The following FKBP5 variants were observed in gnomAD, a reference collection of about 807,000 sequenced individuals.
The protein encoded by FKBP5 is FKBP prolyl isomerase 5.
FKBP5 carries 23 observed loss-of-function variants against 50.5 expected under a neutral mutation model. The ratio of observed to expected loss-of-function variants is 0.46; its 90% CI spans 0.33 to 0.65. The LOEUF (loss-of-function observed/expected upper bound fraction) is 0.65, where lower values mean the gene tolerates loss of function less well. Ranked by LOEUF, FKBP5 falls within the 30% of genes least tolerant of loss-of-function variation. The pLI is 0.02. For synonymous variants in FKBP5, 176 were observed against 190.6 expected, an observed-to-expected ratio of 0.92 and a Z score of 0.63; for missense variants, 411 against 553.1, an observed-to-expected ratio of 0.74 and a Z score of 2.58.
intron 5 of FKBP5, 23 bp downstream of exon 5, chr6:35,619,073 T>A (rs756484898): frequency 6.6e-7 from 1 of 1,512,722 alleles, no homozygotes; most frequent in Non-Finnish European, 9.2e-7. Context: ...TAAGGACTAG[T>A]TCCCTCTTAC....
At chr6:35,581,632 G>A (rs988071122) in intron 8 of FKBP5, 5 of 985,220 alleles carry the variant, frequency 5.1e-6, no homozygotes, top group Non-Finnish European at 6.0e-6. Flanking sequence ...CCCCTCCAGG[G>A]CTGAGACAAT....
intron 2 of FKBP5, among the ~76,000 whole-genome samples, chr6:35,712,485 C>A (rs913805062): frequency 6.6e-6 from 1 of 151,964 alleles, no homozygotes; most frequent in African/African-American, 2.4e-5. Context: ...AGCATTGAGA[C>A]CCTTATGGTT....
Position 35,575,858 on chromosome 6 carries a change from C to T in FKBP5, c.1351G>A (p.Glu451Lys). The T allele has an allele frequency of 6.2e-7, 1 of 1,613,924 alleles. No homozygotes were observed. The highest frequency in any genetic ancestry group is 8.5e-7 in the Non-Finnish European group (1 of 1,179,796). ...CGTCATACGTGGCCCTCAGGTTTCTCTTCTTCCATTGCTTGACTGTCTGTT... is the reference window on the plus strand; with the variant it reads ...CGTCATACGTGGCCCTCAGGTTTCTTTTCTTCCATTGCTTGACTGTCTGTT... ...KGTDSQAMEE[E>K]KPEGHV Residue 451 changes from glutamate (E) to lysine (K), a missense_variant, in exon 11 of 11, where the codon GAG (glutamate) becomes AAG (lysine). Transcript: ENST00000357266.
At chr6:35,588,788 TAG>T (rs967508641) in intron 7 of FKBP5, among the ~76,000 whole-genome samples, 1 of 147,748 alleles carries the variant, frequency 6.8e-6, no homozygotes, top group Non-Finnish European at 1.5e-5. Context: ...TTTTTTTTGG[TAG>T]AGACGGGGTC....
At chr6:35,645,298 G>A (rs1764599968) in intron 1 of FKBP5, among the ~76,000 whole-genome samples, 2 of 152,288 alleles carry the variant, frequency 1.3e-5, no homozygotes, top group South Asian at 2.1e-4. Context: ...AAAAGGTGGC[G>A]TGCACCTGTA....
intron 5 of FKBP5, among the ~76,000 whole-genome samples, chr6:35,598,474 C>T (rs1763050790): frequency 6.6e-6 from 1 of 152,080 alleles, no homozygotes; most frequent in Non-Finnish European, 1.5e-5. Context: ...CCACCCGCCT[C>T]AGCCTCCCAA....
intron 3 of FKBP5, among the ~76,000 whole-genome samples, chr6:35,627,489 T>C (rs576508107): frequency 2.4e-4 from 37 of 152,196 alleles, no homozygotes; most frequent in Non-Finnish European, 3.4e-4. Context: ...TGTTGAGTTA[T>C]AGGAGTTGTT....
chr6:35,689,988 G>T (rs897588946), upstream of FKBP5, among the ~76,000 whole-genome samples: 2 of 152,156 alleles, frequency 1.3e-5, no homozygotes, highest in African/African-American at 4.8e-5. Flanking sequence ...CATTTTTAAG[G>T]AAACAGAAAC....
At chr6:35,653,869 C>T (rs1764879031) in intron 1 of FKBP5, among the ~76,000 whole-genome samples, 1 of 151,806 alleles carries the variant, frequency 6.6e-6, no homozygotes, top group Admixed American at 6.6e-5. Context: ...TTTAGAGGAT[C>T]TAAAGTGGCC....
rs1401432665 is a variant in FKBP5 at position 35,659,700 on chromosome 6, T to C, written c.-19-16857A>G. 2.3e-5 allele frequency among the ~76,000 whole-genome samples: 2 copies of C among 85,514 alleles called. 1 individual carries two copies. The highest frequency in any genetic ancestry group is 5.4e-5 in the Non-Finnish European group (2 of 36,964). 56.1% of individuals were successfully genotyped at this position (85,514 alleles called of 152,430 possible). A position where few individuals can be genotyped will look rare whatever the true frequency, so the allele number is the denominator to read the frequency against. On this transcript the variant is annotated intron_variant, in intron 1 of 10. Transcript: ENST00000357266. Reference sequence around the variant, plus strand: ...TCATATTATTCTCTCATCCTTTTAATAATTATAGAATCTGAGCTTTGTTAG... The same window carrying C: ...TCATATTATTCTCTCATCCTTTTAACAATTATAGAATCTGAGCTTTGTTAG...
At chr6:35,707,214 A>C (rs1165566854) in intron 2 of FKBP5, among the ~76,000 whole-genome samples, 2 of 71,932 alleles carry the variant, frequency 2.8e-5, no homozygotes, top group Non-Finnish European at 4.9e-5. Flanking sequence ...GTATGAGAAG[A>C]CTTTTTTTTT....
intron 2 of FKBP5, among the ~76,000 whole-genome samples, chr6:35,717,184 G>T (rs1307390466): frequency 1.3e-5 from 2 of 152,186 alleles, no homozygotes; most frequent in Non-Finnish European, 2.9e-5. Flanking sequence ...TAATAGAAAA[G>T]ATTCCAGTTG....
chr6:35,713,473 A>G (rs1403692748), intron 2 of FKBP5, among the ~76,000 whole-genome samples: 1 of 152,186 alleles, frequency 6.6e-6, no homozygotes, highest in East Asian at 1.9e-4. Flanking sequence ...TGAGGTAGAC[A>G]CTACCACCCT....
At position 35,638,484 on chromosome 6, in the gene FKBP5, T is replaced by A. The variant is rs114918704; in HGVS notation, c.106-1326A>T. ...GGCTAGAGTGCATGCGGTGGTACAA[T>A]CATAGCTCACTGTAGCCTCTATCAC... On this transcript the variant is annotated intron_variant, in intron 2 of 10. Coordinates refer to ENST00000357266, the MANE Select transcript of FKBP5 (RefSeq NM_004117.4). Among the ~76,000 whole-genome samples the A allele has an allele frequency of 4.8e-3, 724 of 152,240 alleles. 5 individuals carry two copies. Among genetic ancestry groups the A allele is most frequent in the Non-Finnish European group, 7.5e-3 (512 of 68,010 alleles).
At chr6:35,635,376 T>C (rs1395728005) in intron 3 of FKBP5, among the ~76,000 whole-genome samples, 1 of 151,976 alleles carries the variant, frequency 6.6e-6, no homozygotes, top group African/African-American at 2.4e-5. Context: ...CGGGGCTGAG[T>C]TGGGAGGATC....
At chr6:35,582,513 G>T in intron 8 of FKBP5, 1 of 427,068 alleles carries the variant, frequency 2.3e-6, no homozygotes, top group Non-Finnish European at 3.1e-6. Flanking sequence ...GAAAGGCCAT[G>T]TGAGAACACA....
intron 1 of FKBP5, among the ~76,000 whole-genome samples, chr6:35,671,702 C>T (rs890815438): frequency 1.3e-5 from 2 of 152,004 alleles, no homozygotes; most frequent in African/African-American, 2.4e-5. Context: ...AGCAACCACC[C>T]ATAAATACAG....
chr6:35,626,782 A>G (rs1284062840), intron 3 of FKBP5, among the ~76,000 whole-genome samples: 3 of 152,182 alleles, frequency 2.0e-5, no homozygotes, highest in African/African-American at 7.2e-5. Context: ...AATGCCCTCA[A>G]GGTTCGTCCA....
At chr6:35,596,522 T>C (rs1207814531) in intron 6 of FKBP5, among the ~76,000 whole-genome samples, 1 of 152,096 alleles carries the variant, frequency 6.6e-6, no homozygotes, top group African/African-American at 2.4e-5. Context: ...CTGAAATCCA[T>C]GGAGCCGGAG....
Sources: allele counts gnomAD v4.1 joint callset (sites outside exome capture counted in the v4.1 genomes callset), GRCh38; gene constraint gnomAD v4.1.1; transcripts MANE v1.5; gene names NCBI Gene and HGNC (gene_info 2026-07-23, HGNC 2026-07-21).